The following FLT1 variants were observed in gnomAD, a reference collection of about 807,000 sequenced individuals.
The protein encoded by FLT1 is vascular endothelial growth factor receptor 1.
FLT1 carries 49 observed loss-of-function variants against 156.3 expected under a neutral mutation model. The ratio of observed to expected loss-of-function variants is 0.31; its 90% confidence interval spans 0.25 to 0.40. The LOEUF is 0.40. Ranked by LOEUF, FLT1 falls within the 10% of genes least tolerant of loss-of-function variation. The probability of loss-of-function intolerance (pLI) is 1.00; values close to 1 mark genes in which losing one functional copy is unlikely to be tolerated. For missense variants in FLT1, 1,322 were observed against 1,637.2 expected, an observed-to-expected ratio of 0.81 and a Z score of 3.32; for synonymous variants, 594 against 583.8, an observed-to-expected ratio of 1.02 and a Z score of -0.25.
intron 29 of FLT1, 27 bp from the exon 30 acceptor site, chr13:28,303,395 A>G (rs766334605): frequency 7.5e-6 from 12 of 1,602,862 alleles, no homozygotes; most frequent in African/African-American, 5.4e-5. Context: ...AAGAAATCAA[A>G]TATTCAAAAT....
In FLT1 at chr13:28,426,528, C is replaced by T. The variant is rs894128650; in HGVS notation, c.1436+631G>A. Among the ~76,000 whole-genome samples the T allele has an allele frequency of 2.6e-5, 4 of 152,130 alleles. No individual in the cohort carries two copies. The East Asian group carries it at 5.8e-4, about 22-fold the overall frequency. On this transcript the variant is annotated intron_variant, in intron 10 of 29. Transcript: ENST00000282397. ...TAGAGAGAGACAAACCTTTGCGCAT[C>T]GAGTGATGTAACAAGGGCGTGAACA...
chr13:28,385,037 GA>G lies in FLT1; in HGVS notation c.1970-7del. 1 of 1,613,980 alleles carries G rather than the reference GA, an allele frequency of 6.2e-7. No homozygotes were observed. The highest frequency in any genetic ancestry group is 8.5e-7 in the Non-Finnish European group (1 of 1,179,880). On this transcript the variant is annotated splice_polypyrimidine_tract_variant and splice_region_variant and intron_variant, in intron 13 of 29. Transcript: ENST00000282397. Reference sequence around the variant, plus strand: ...GAGGTATGGTGCTTCCTGATCTAGTGAAGAAAGAAAGGGAGCTGTGATTACT... The same window carrying G: ...GAGGTATGGTGCTTCCTGATCTAGTGAGAAAGAAAGGGAGCTGTGATTACT...
Position 28,474,507 on chromosome 13 carries a change from C to CACACACACAGACACACAGACACACAG in FLT1, c.65-6891_65-6890insCTGTGTGTCTGTGTGTCTGTGTGTGT, listed in dbSNP as rs1555245769. ...ACAGACACACACACACACACACACACACACACACACACACACAAACCCCAC... is the reference window on the plus strand; with the variant it reads ...ACAGACACACACACACACACACACACACACACACAGACACACAGACACACAGACACACACACACACACAAACCCCAC... On this transcript the variant is annotated intron_variant, in intron 1 of 29. Transcript: ENST00000282397. Among the ~76,000 whole-genome samples the CACACACACAGACACACAGACACACAG allele has an allele frequency of 7.4e-4, 112 of 150,696 alleles. 1 individual carries two copies. The highest frequency in any genetic ancestry group is 2.6e-3 in the African/African-American group (105 of 40,300).
intron 3 of FLT1, among the ~76,000 whole-genome samples, chr13:28,465,951 T>C (rs1018636051): frequency 5.3e-5 from 8 of 152,174 alleles, no homozygotes; most frequent in African/African-American, 1.9e-4. Flanking sequence ...AGACCCACAA[T>C]GTATATTTAG....
In FLT1 at chr13:28,322,595, G is replaced by A; in HGVS notation, c.2953+195C>T. The A allele has an allele frequency of 1.4e-6, 1 of 732,706 alleles. No individual in the cohort carries two copies. Among genetic ancestry groups the A allele is most frequent in the Non-Finnish European group, 2.4e-6 (1 of 416,354 alleles). 45.4% of individuals were successfully genotyped at this position (732,706 alleles called of 1,614,324 possible). ...ATTAAGATGAAAATCCCTGAGGGGA[G>A]AAAACGGTACAGTTCCCTGTCAAAA... On this transcript the variant is annotated intron_variant, in intron 21 of 29. Coordinates refer to ENST00000282397, the MANE Select transcript of FLT1 (RefSeq NM_002019.4). This position sits in a 1 kb window ranked among gnomAD's most constrained non-coding sequence, Gnocchi z 4.3.
At chr13:28,464,492 A>G (rs1360609757) in intron 3 of FLT1, among the ~76,000 whole-genome samples, 1 of 152,254 alleles carries the variant, frequency 6.6e-6, no homozygotes, top group East Asian at 1.9e-4. Context: ...TCCACAAAGC[A>G]CCTGTTAATC....
At chr13:28,350,457 G>C (rs1324070864) in intron 15 of FLT1, among the ~76,000 whole-genome samples, 14 of 152,092 alleles carry the variant, frequency 9.2e-5, no homozygotes. Flanking sequence ...TATCTTGCCT[G>C]ACGTCTCTGC....
intron 10 of FLT1, among the ~76,000 whole-genome samples, chr13:28,418,695 C>T (rs1289571696): frequency 1.3e-5 from 2 of 152,164 alleles, no homozygotes; most frequent in East Asian, 1.9e-4. Context: ...TCCTGAGTAG[C>T]TGGAACCATA....
At chr13:28,365,042 C>T (rs1405241334) in intron 14 of FLT1, among the ~76,000 whole-genome samples, 1 of 152,026 alleles carries the variant, frequency 6.6e-6, no homozygotes, top group Non-Finnish European at 1.5e-5. Context: ...GGGAAATGGT[C>T]ATATTTATTT....
intron 25 of FLT1, among the ~76,000 whole-genome samples, chr13:28,314,246 G>A (rs1871116998): frequency 1.3e-5 from 2 of 152,126 alleles, no homozygotes; most frequent in African/African-American, 4.8e-5. Context: ...TCCTGAGCAG[G>A]ACACTCCCTA....
intron 13 of FLT1, chr13:28,387,108 A>G (rs1320413722): frequency 1.9e-6 from 2 of 1,035,344 alleles, no homozygotes; most frequent in Non-Finnish European, 2.3e-6. Flanking sequence ...AAATGTCATT[A>G]AGAATCCCAA....
intron 2 of FLT1, 140 bp downstream of exon 2, chr13:28,467,381 C>T: frequency 1.4e-6 from 1 of 700,596 alleles, no homozygotes; most frequent in Non-Finnish European, 2.5e-6. Context: ...AATCCCCTTT[C>T]ATGGGAAGCT....
intron 19 of FLT1, among the ~76,000 whole-genome samples, chr13:28,328,854 A>C (rs1016620720): frequency 6.6e-6 from 1 of 152,138 alleles, no homozygotes; most frequent in Non-Finnish European, 1.5e-5. Flanking sequence ...ACGACAGAGA[A>C]CTTCATAAAA....
At chr13:28,307,882 C>T (rs2138808664) in intron 28 of FLT1, among the ~76,000 whole-genome samples, 1 of 152,314 alleles carries the variant, frequency 6.6e-6, no homozygotes, top group East Asian at 1.9e-4. Context: ...CGCCATTCTC[C>T]TGCCTCAGCC....
At position 28,302,771 on chromosome 13, in the gene FLT1, G is replaced by A. The variant is rs1242042638; in HGVS notation, c.*396C>T. ...CCAGCCAGTGATCCCTGGGGCTAAC[G>A]GGCTTGTTGCCCTGGGTTTTGGGCT... On this transcript the variant is annotated 3_prime_UTR_variant, in exon 30 of 30. Coordinates refer to ENST00000282397, the MANE Select transcript of FLT1 (RefSeq NM_002019.4). 5 of 260,794 alleles carry A rather than the reference G, an allele frequency of 1.9e-5. No individual in the cohort carries two copies. Among genetic ancestry groups the A allele is most frequent in the African/African-American group, 6.6e-5 (3 of 45,614 alleles). 16.2% of individuals were successfully genotyped at this position (260,794 alleles called of 1,614,324 possible).
At position 28,391,612 on chromosome 13, in the gene FLT1, A is replaced by G. The variant is rs1196328909; in HGVS notation, c.1661-1508T>C. Among the ~76,000 whole-genome samples, 3 of 152,210 alleles carry G rather than the reference A, an allele frequency of 2.0e-5. No individual in the cohort carries two copies. The East Asian group carries it at 5.8e-4, about 29-fold the overall frequency. ...GTACCTCAATCGCCACCTTGGGCAC[A>G]TGTTGTCAGGACCTCCTGAGGCTGT... On this transcript the variant is annotated intron_variant, in intron 12 of 29. Coordinates refer to ENST00000282397, the MANE Select transcript of FLT1 (RefSeq NM_002019.4).
intron 25 of FLT1, among the ~76,000 whole-genome samples, chr13:28,312,574 C>A (rs1489153671): frequency 2.0e-5 from 3 of 151,866 alleles, no homozygotes; most frequent in Admixed American, 2.0e-4. Context: ...GTACTTATTT[C>A]ATTCTCGAGT....
chr13:28,326,520 CTTTTTTTT>C (rs58719749), intron 20 of FLT1, among the ~76,000 whole-genome samples: 6 of 80,040 alleles, frequency 7.5e-5, no homozygotes, highest in East Asian at 4.0e-4. Flanking sequence ...CTCTCTCTCT[CTTTTTTTT>C]TTTTTTTTTT....
chr13:28,434,001 A>T (rs372618475), intron 5 of FLT1, 46 bp from the exon 6 acceptor site: 76 of 1,613,742 alleles, frequency 4.7e-5, no homozygotes, highest in Non-Finnish European at 6.4e-5. Flanking sequence ...ATTTCATTAC[A>T]CAGATAAAAA....
Sources: allele counts gnomAD v4.1 joint callset (sites outside exome capture counted in the v4.1 genomes callset), GRCh38; gene constraint gnomAD v4.1.1; non-coding constraint Gnocchi (gnomAD v3.1); transcripts MANE v1.5; gene names NCBI Gene and HGNC (gene_info 2026-07-23, HGNC 2026-07-21).